NEURL1: variants seen among roughly 807,000 people sequenced by gnomAD.
The protein encoded by NEURL1 is E3 ubiquitin-protein ligase NEURL1.
Under a neutral mutation model 41.2 loss-of-function variants are expected in NEURL1, and 26 were observed. That is an observed-to-expected ratio of 0.63 (90% CI 0.46 to 0.87). The LOEUF is 0.87. Ranked by LOEUF, NEURL1 falls within the 40% of genes least tolerant of loss-of-function variation. NEURL1 has a pLI of 0.00. For synonymous variants in NEURL1, 400 were observed against 402.3 expected (o/e 0.99, Z 0.07); for missense variants, 761 against 871.1 (o/e 0.87, Z 1.59).
chr10:103,527,200 T>C (rs2034478058), intron 1 of NEURL1, among the ~76,000 whole-genome samples: 1 of 151,808 alleles, frequency 6.6e-6, no homozygotes, highest in Non-Finnish European at 1.5e-5. Context: ...CTGGTGGGAG[T>C]GTCTTTTTAG....
In NEURL1 at chr10:103,508,068, G is replaced by A. The variant is rs949287070; in HGVS notation, c.85+13596G>A. Among the ~76,000 whole-genome samples, 4 of 152,230 alleles carry A rather than the reference G, an allele frequency of 2.6e-5. No homozygotes were observed. The highest frequency in any genetic ancestry group is 7.2e-5 in the African/African-American group (3 of 41,454). On this transcript the variant is annotated intron_variant, in intron 1 of 5. Transcript: ENST00000369780. The surrounding 1 kb of genome is among the most constrained non-coding windows in gnomAD (Gnocchi z 4.3). ...ATGGACAAGCAAGAGGGACTGGATG[G>A]ATGGCCCTGTAGTAAAACAGAATGC...
chr10:103,565,130 A>C (rs984702714), intron 1 of NEURL1, among the ~76,000 whole-genome samples: 3 of 152,006 alleles, frequency 2.0e-5, no homozygotes, highest in Non-Finnish European at 2.9e-5. Flanking sequence ...GGATTGGTAG[A>C]TGGGGTGAGG....
chr10:103,584,774 CCACGCCCTG>C lies in NEURL1; in HGVS notation c.890_898del (p.His297_Leu299del). On this transcript the variant is annotated inframe_deletion, in exon 4 of 6. Coordinates refer to ENST00000369780, the MANE Select transcript of NEURL1 (RefSeq NM_004210.5). Reference sequence around the variant, plus strand: ...CGCAGCTCGACGGCGACCTGCGTTTCCACGCCCTGCGCGCCGGCGCGCACGTCCGCATCC... The same window carrying C: ...CGCAGCTCGACGGCGACCTGCGTTTCCGCGCCGGCGCGCACGTCCGCATCC... 1 of 1,446,812 alleles carries C rather than the reference CCACGCCCTG, an allele frequency of 6.9e-7. No individual in the cohort carries two copies. 89.6% of individuals were successfully genotyped at this position (1,446,812 alleles called of 1,614,324 possible).
chr10:103,541,871 A>G (rs1353484435), intron 1 of NEURL1, among the ~76,000 whole-genome samples: 1 of 152,204 alleles, frequency 6.6e-6, no homozygotes, highest in Non-Finnish European at 1.5e-5. Flanking sequence ...AGGATGAAGT[A>G]CTTCCCATCT....
intron 1 of NEURL1, among the ~76,000 whole-genome samples, chr10:103,559,218 G>A (rs915490810): frequency 9.2e-5 from 14 of 152,154 alleles, no homozygotes; most frequent in East Asian, 7.7e-4. Flanking sequence ...CCTATCTCCC[G>A]GCAGCAGCTC....
intron 4 of NEURL1, chr10:103,588,739 A>G: frequency 2.4e-6 from 1 of 424,308 alleles, no homozygotes. Flanking sequence ...AGGTGAGGAG[A>G]TGGAGACCAT....
At chr10:103,495,792 A>G (rs1380598184) in intron 1 of NEURL1, among the ~76,000 whole-genome samples, 1 of 152,250 alleles carries the variant, frequency 6.6e-6, no homozygotes, top group East Asian at 1.9e-4. Flanking sequence ...ATATGGCAAT[A>G]CATGTCAAGA....
rs375066407 is a variant in NEURL1 at position 103,556,533 on chromosome 10, G to A, written c.86-14339G>A. Among the ~76,000 whole-genome samples, 46 of 152,246 alleles carry A rather than the reference G, an allele frequency of 3.0e-4. No homozygotes were observed. In the East Asian group the frequency reaches 4.4e-3, roughly 15 times the overall value. On this transcript the variant is annotated intron_variant, in intron 1 of 5. Transcript: ENST00000369780. The surrounding 1 kb of genome is among the most constrained non-coding windows in gnomAD (Gnocchi z 4.4). Reference sequence around the variant, plus strand: ...TGGTGGCAGGAGCGCATGGGCAGCCGCAGCCGGAACTGGTGACCAGGTGGC... The same window carrying A: ...TGGTGGCAGGAGCGCATGGGCAGCCACAGCCGGAACTGGTGACCAGGTGGC...
rs41287508 is a variant in NEURL1, at chr10:103,571,605, C to G, written c.432C>G (p.Pro144=). The G allele has an allele frequency of 1.2e-6, 2 of 1,614,132 alleles. No homozygotes were observed. Among genetic ancestry groups the G allele is most frequent in the South Asian group, 1.1e-5 (1 of 91,084 alleles). Residue 144 remains proline, a synonymous_variant, in exon 3 of 6, where the codon CCC becomes CCG. Coordinates refer to ENST00000369780, the MANE Select transcript of NEURL1 (RefSeq NM_004210.5). ...ACTCGCTGCCCAAGTACGCCTGCCC[C>G]GACCTGGTGTCCCAGAGTGGCTTCT... ...HPDSLPKYAC[P]DLVSQSGFWA...
At chr10:103,555,276 C>T (rs1337340362) in intron 1 of NEURL1, 2 of 1,132,270 alleles carry the variant, frequency 1.8e-6, no homozygotes, top group South Asian at 1.7e-5. Flanking sequence ...GGTCTCCGCC[C>T]GCGGGGGAGG....
intron 1 of NEURL1, among the ~76,000 whole-genome samples, chr10:103,502,605 G>T (rs2133844736): frequency 6.6e-6 from 1 of 152,246 alleles, no homozygotes; most frequent in South Asian, 2.1e-4. Flanking sequence ...GGGCATTAGG[G>T]TTTCAATATA....
chr10:103,523,855 C>T (rs1564809670), intron 1 of NEURL1, among the ~76,000 whole-genome samples: 2 of 152,266 alleles, frequency 1.3e-5, no homozygotes, highest in South Asian at 4.1e-4. Flanking sequence ...TTGATCGACA[C>T]TTAGGTTGAT....
At chr10:103,568,604 G>A (rs1447444781) in intron 1 of NEURL1, among the ~76,000 whole-genome samples, 3 of 152,038 alleles carry the variant, frequency 2.0e-5, no homozygotes, top group Non-Finnish European at 4.4e-5. Context: ...CCAATTTGAT[G>A]AGTTTTGACA....
At chr10:103,518,329 C>G (rs2034264715) in intron 1 of NEURL1, among the ~76,000 whole-genome samples, 1 of 152,160 alleles carries the variant, frequency 6.6e-6, no homozygotes, top group African/African-American at 2.4e-5. Flanking sequence ...TTCCTTCCCC[C>G]TCTTCCTCTC....
intron 3 of NEURL1, among the ~76,000 whole-genome samples, chr10:103,583,030 C>A (rs1300113849): frequency 2.6e-5 from 4 of 152,050 alleles, no homozygotes; most frequent in African/African-American, 9.7e-5. Flanking sequence ...GGATGAATTG[C>A]AGGGGTAATT....
intron 4 of NEURL1, among the ~76,000 whole-genome samples, chr10:103,587,844 AAG>A (rs1404986766): frequency 6.6e-6 from 1 of 152,254 alleles, no homozygotes; most frequent in African/African-American, 2.4e-5. Flanking sequence ...TTAACACAGT[AAG>A]AGAAACCCTG....
intron 1 of NEURL1, among the ~76,000 whole-genome samples, chr10:103,549,353 C>A (rs1218837735): frequency 6.6e-6 from 1 of 152,228 alleles, no homozygotes. Context: ...CCCGAGGACG[C>A]CCTCTGGGCT....
chr10:103,535,440 C>G (rs1302916051), intron 1 of NEURL1, among the ~76,000 whole-genome samples: 1 of 152,166 alleles, frequency 6.6e-6, no homozygotes, highest in Non-Finnish European at 1.5e-5. Flanking sequence ...CACTGATTCC[C>G]CAGGAGCTGG....
rs2133865359 is a variant in NEURL1 at position 103,545,037 on chromosome 10, G to A, written c.86-25835G>A. Among the ~76,000 whole-genome samples, 1 of 152,362 alleles carries A rather than the reference G, an allele frequency of 6.6e-6. No individual in the cohort carries two copies. Among genetic ancestry groups the A allele is most frequent in the Admixed American group, 6.5e-5 (1 of 15,310 alleles). On this transcript the variant is annotated intron_variant, in intron 1 of 5. Coordinates refer to ENST00000369780, the MANE Select transcript of NEURL1 (RefSeq NM_004210.5). This position sits in a 1 kb window ranked among gnomAD's most constrained non-coding sequence, Gnocchi z 4.5. ...TCTCTGAAGGAAGTAATCCCGAAGA[G>A]GGAGGTGTCGGGGGACAGGAGCCTG...
Sources: gnomAD v4.1 joint callset for allele counts (sites outside exome capture counted in the v4.1 genomes callset) on GRCh38, gnomAD v4.1.1 for gene constraint, Gnocchi (gnomAD v3.1) non-coding constraint, MANE v1.5 for transcripts, NCBI Gene and HGNC (gene_info 2026-07-23, HGNC 2026-07-21) for gene names.